The following NEBL variants were observed in gnomAD, a reference collection of about 807,000 sequenced individuals.
The protein encoded by NEBL is nebulette, also known as LIM and SH3 protein 2.
Under a neutral mutation model 140.2 loss-of-function variants are expected in NEBL, and 122 were observed. That is an observed-to-expected ratio of 0.87 (90% CI 0.75 to 1.01). The LOEUF is 1.01. NEBL is among the 50% of genes least tolerant of loss of function. The probability of loss-of-function intolerance (pLI) is 0.00; values close to 1 mark genes in which losing one functional copy is unlikely to be tolerated. For missense variants in NEBL, 1,365 were observed against 1,231.3 expected, an observed-to-expected ratio of 1.11 and a Z score of -1.62; for synonymous variants, 436 against 398.9, an observed-to-expected ratio of 1.09 and a Z score of -1.11.
rs754283260 is a variant in NEBL at position 20,868,775 on chromosome 10, A to T, written c.583-10T>A. 6.4e-7 allele frequency: 1 copy of T among 1,555,100 alleles called. No individual in the cohort carries two copies. Among genetic ancestry groups the T allele is most frequent in the Non-Finnish European group, 8.9e-7 (1 of 1,126,718 alleles). The stretch of plus-strand genomic sequence containing the variant: ...CTTTCTTGTATTCTGCCTAAAATGA[A>T]TAAATAAGACAATGTTAAATATTTC... On this transcript the variant is annotated splice_polypyrimidine_tract_variant and intron_variant, in intron 6 of 27. Transcript: ENST00000377122.
chr10:20,950,533 T>C (rs543589767), intron 4 of NEBL, among the ~76,000 whole-genome samples: 11 of 152,320 alleles, frequency 7.2e-5, no homozygotes, highest in East Asian at 5.8e-4. Flanking sequence ...AGGATGAACA[T>C]GAAACACATC....
At chr10:21,197,823 T>A (rs1207866866) in intron 3 of NEBL, among the ~76,000 whole-genome samples, 1 of 152,196 alleles carries the variant, frequency 6.6e-6, no homozygotes, top group Admixed American at 6.5e-5. Context: ...TGAGACCCCA[T>A]GAGAAGCTAA....
intron 3 of NEBL, among the ~76,000 whole-genome samples, chr10:21,193,241 G>T (rs2132218872): frequency 6.6e-6 from 1 of 152,264 alleles, no homozygotes; most frequent in African/African-American, 2.4e-5. Context: ...AGACCTGGAA[G>T]CTACAGCAGC....
At chr10:20,926,237 A>T (rs1202520668) in intron 4 of NEBL, among the ~76,000 whole-genome samples, 2 of 152,184 alleles carry the variant, frequency 1.3e-5, no homozygotes, top group Non-Finnish European at 2.9e-5. Context: ...TTTCTGAAAT[A>T]ATATCCTGTT....
intron 22 of NEBL, among the ~76,000 whole-genome samples, chr10:20,815,231 C>T (rs1838607693): frequency 6.6e-6 from 1 of 152,084 alleles, no homozygotes; most frequent in South Asian, 2.1e-4. Context: ...GGTAATGATC[C>T]ATCTCCTATT....
At chr10:20,830,274 C>T (rs1458910419) in intron 16 of NEBL, among the ~76,000 whole-genome samples, 1 of 152,162 alleles carries the variant, frequency 6.6e-6, no homozygotes, top group Non-Finnish European at 1.5e-5. Context: ...TGCATAAACT[C>T]CATTAATCAA....
In NEBL at chr10:20,782,062, C is replaced by T. The variant is rs1290365026; in HGVS notation, c.*3685G>A. 1 of 152,462 alleles carries T rather than the reference C, an allele frequency of 6.6e-6. No homozygotes were observed. Among genetic ancestry groups the T allele is most frequent in the African/African-American group, 2.4e-5 (1 of 41,402 alleles). 9.4% of individuals were successfully genotyped at this position (152,462 alleles called of 1,614,324 possible). ...TTATATAGCTCAACTCTATATAAAT[C>T]CACAAAGAACCTTTCAGAAATAGAT... On this transcript the variant is annotated 3_prime_UTR_variant, in exon 28 of 28. Transcript: ENST00000377122.
chr10:21,216,252 C>T (rs973866712), intron 3 of NEBL, among the ~76,000 whole-genome samples: 1 of 152,188 alleles, frequency 6.6e-6, no homozygotes, highest in Non-Finnish European at 1.5e-5. Flanking sequence ...CCCTTAGCCA[C>T]ATATCCAAGT....
intron 11 of NEBL, among the ~76,000 whole-genome samples, chr10:20,848,810 A>G (rs1842209159): frequency 6.6e-6 from 1 of 152,202 alleles, no homozygotes; most frequent in African/African-American, 2.4e-5. Context: ...ACCACTGAAT[A>G]AGACACAAAA....
rs1847576401 is a variant in NEBL, at chr10:20,897,134, T to C, written c.72A>G (p.Glu24=). The change falls in exon 1 of 28, where the codon GAA becomes GAG. Residue 24 remains glutamate, a synonymous_variant. Transcript: ENST00000377122. The stretch of plus-strand genomic sequence containing the variant: ...GTGTTTTCTCACTCACCTGGTCTTC[T>C]TCATTTTCTTCTTCCCCTATCTTTT... ...EEEKIGEEEN[E]EDQVFYKPVI... is the part of the protein sequence containing the mutation. 1 of 1,601,438 alleles carries C rather than the reference T, an allele frequency of 6.2e-7. No individual in the cohort carries two copies. The highest frequency in any genetic ancestry group is 1.1e-5 in the South Asian group (1 of 90,776).
chr10:20,820,147 G>C (rs1372478535), intron 19 of NEBL, among the ~76,000 whole-genome samples: 1 of 152,174 alleles, frequency 6.6e-6, no homozygotes, highest in Non-Finnish European at 1.5e-5. Context: ...TTTAGTGATA[G>C]ACTATTACTG....
At chr10:20,862,208 A>G (rs561313808) in intron 7 of NEBL, among the ~76,000 whole-genome samples, 2 of 152,338 alleles carry the variant, frequency 1.3e-5, no homozygotes, top group South Asian at 4.1e-4. Context: ...AGAAACAATA[A>G]TCAATCTGTT....
intron 2 of NEBL, among the ~76,000 whole-genome samples, chr10:21,133,497 GC>G (rs1839210378): frequency 6.6e-6 from 1 of 152,136 alleles, no homozygotes; most frequent in South Asian, 2.1e-4. Context: ...CAGGCTGTGT[GC>G]CTTTGAGTCA....
At chr10:21,283,431 C>T (rs1843016594) in intron 1 of NEBL, among the ~76,000 whole-genome samples, 1 of 152,150 alleles carries the variant, frequency 6.6e-6, no homozygotes, top group Non-Finnish European at 1.5e-5. Flanking sequence ...TATTCCTTTA[C>T]TTTCCTAATA....
At chr10:20,997,382 G>A (rs550650007) in intron 3 of NEBL, among the ~76,000 whole-genome samples, 1 of 149,138 alleles carries the variant, frequency 6.7e-6, no homozygotes, top group Non-Finnish European at 1.5e-5. Context: ...GCCAAGGGGG[G>A]CAAGGTGGGG....
At chr10:20,878,753 G>A (rs1296124293) in intron 5 of NEBL, among the ~76,000 whole-genome samples, 3 of 152,190 alleles carry the variant, frequency 2.0e-5, no homozygotes, top group South Asian at 2.1e-4. Flanking sequence ...GAGTCAAGTC[G>A]GCAGAGGAGT....
intron 3 of NEBL, among the ~76,000 whole-genome samples, chr10:20,975,864 G>A (rs1305554372): frequency 1.3e-5 from 2 of 152,188 alleles, no homozygotes; most frequent in Non-Finnish European, 2.9e-5. Flanking sequence ...GATTTAGATA[G>A]AGGTGTTATT....
intron 2 of NEBL, among the ~76,000 whole-genome samples, chr10:21,106,375 AAGGGATCC>A (rs1837717501): frequency 6.6e-6 from 1 of 152,086 alleles, no homozygotes; most frequent in Admixed American, 6.6e-5. Context: ...TGGTGTAAGG[AAGGGATCC>A]AGTTTCAGCT....
intron 2 of NEBL, among the ~76,000 whole-genome samples, chr10:21,086,436 C>T (rs764501867): frequency 5.3e-5 from 8 of 152,142 alleles, no homozygotes; most frequent in Non-Finnish European, 1.0e-4. Context: ...AAAAACACTG[C>T]AGCCAATGAA....
Sources: allele counts gnomAD v4.1 joint callset (sites outside exome capture counted in the v4.1 genomes callset), GRCh38; gene constraint gnomAD v4.1.1; transcripts MANE v1.5; gene names NCBI Gene and HGNC (gene_info 2026-07-23, HGNC 2026-07-21).